The following PAICS variants were observed in gnomAD, a reference collection of about 807,000 sequenced individuals.
PAICS encodes bifunctional phosphoribosylaminoimidazole carboxylase/phosphoribosylaminoimidazole succinocarboxamide synthetase.
PAICS carries 33 observed loss-of-function variants against 53.7 expected under a neutral mutation model. The observed-to-expected ratio is 0.61, with a 90% CI of 0.47 to 0.82. The LOEUF (loss-of-function observed/expected upper bound fraction) is 0.82. Among genes scored for constraint, PAICS ranks in the 40% least tolerant of loss-of-function variants. The pLI, the probability that PAICS is intolerant of heterozygous loss-of-function variation, is 0.00. For synonymous variants in PAICS, 141 were observed against 167.2 expected (o/e 0.84, Z 1.21); for missense variants, 394 against 494.1 (o/e 0.80, Z 1.92).
At chr4:56,445,646 T>C (rs1718579349) in intron 2 of PAICS, among the ~76,000 whole-genome samples, 1 of 152,078 alleles carries the variant, frequency 6.6e-6, no homozygotes, top group Admixed American at 6.6e-5. Context: ...AGACAACATA[T>C]ATAAGACACT....
At chr4:56,436,352 T>C in intron 1 of PAICS, 24 bp downstream of exon 1, 1 of 1,533,710 alleles carries the variant, frequency 6.5e-7, no homozygotes, top group Non-Finnish European at 9.0e-7. Flanking sequence ...ATCCGGGCCC[T>C]TCACGGTCTC....
rs1425449378 is a variant in PAICS, at chr4:56,436,539, A to G, written c.16+211A>G. 2.5e-5 allele frequency: 18 copies of G among 709,904 alleles called. No individual in the cohort carries two copies. The Admixed American group carries it at 3.4e-4, about 13-fold the overall frequency. The allele number at this position is 709,904 out of a possible 1,614,324, so 44.0% of individuals were successfully genotyped here. ...AGAAGGAGCAAAGTAGAGGAGAACG[A>G]GAAATGGCCAAGGGGTGGAAAGGTG... On this transcript the variant is annotated intron_variant, in intron 1 of 8. Transcript: ENST00000512576.
At chr4:56,419,411 T>C in the PAICS span, among the ~76,000 whole-genome samples, 12 of 152,308 alleles carry the variant, frequency 7.9e-5, no homozygotes, top group African/African-American at 2.2e-4. Flanking sequence ...AACACAACTT[T>C]ATTAAAGCCA....
chr4:56,436,280 G>T lies in PAICS; in HGVS notation c.-33G>T. The T allele has an allele frequency of 1.3e-6, 2 of 1,594,204 alleles. No homozygotes were observed. The highest frequency in any genetic ancestry group is 8.5e-7 in the Non-Finnish European group (1 of 1,171,066). ...TTTCTAGAGTTCTGCCTCGCTTCCC[G>T]GCGCGGTCGCAGCCCTCAGCCCACT... On this transcript the variant is annotated 5_prime_UTR_variant, in exon 1 of 9. Transcript: ENST00000512576.
chr4:56,454,616 T>A (rs1400135773), intron 8 of PAICS, among the ~76,000 whole-genome samples: 1 of 152,204 alleles, frequency 6.6e-6, no homozygotes, highest in East Asian at 1.9e-4. Context: ...TATATAACAA[T>A]TCATCCTCCC....
rs1167041596 is a variant in PAICS at position 56,441,666 on chromosome 4, T to C, written c.20T>C (p.Leu7Pro). Residue 7 changes from leucine (L) to proline (P), a missense_variant, in exon 2 of 9, where the codon CTG (leucine) becomes CCG (proline). This residue lies in a region of PAICS where 168 missense variants were observed against 199.3 expected (regional missense o/e 0.84). Transcript: ENST00000512576. ...TATTTCCATTTTATTTCCACAGTACTGAACATTGGTAAAAAATTATATGAG... is the reference window on the plus strand; with the variant it reads ...TATTTCCATTTTATTTCCACAGTACCGAACATTGGTAAAAAATTATATGAG... MATAEV[L>P]NIGKKLYEGK... 6.4e-7 allele frequency: 1 copy of C among 1,556,394 alleles called. No homozygotes were observed. Among genetic ancestry groups the C allele is most frequent in the Non-Finnish European group, 8.7e-7 (1 of 1,148,226 alleles).
intron 1 of PAICS, among the ~76,000 whole-genome samples, chr4:56,436,869 C>G (rs1040755135): frequency 7.9e-6 from 1 of 127,174 alleles, no homozygotes; most frequent in Admixed American, 8.5e-5. Context: ...TGGTGGCGCG[C>G]GCCTGTAATC....
At chr4:56,416,433 A>T in the PAICS span, 1 of 679,124 alleles carries the variant, frequency 1.5e-6, no homozygotes, top group Non-Finnish European at 1.8e-6. Context: ...AGACCAATGG[A>T]ACTAGGTATA....
chr4:56,449,875 C>T (rs1266386611), intron 5 of PAICS, among the ~76,000 whole-genome samples: 3 of 149,984 alleles, frequency 2.0e-5, no homozygotes, highest in African/African-American at 4.9e-5. Flanking sequence ...TCTCGGAAGG[C>T]TGAGGCAGAG....
intron 7 of PAICS, among the ~76,000 whole-genome samples, chr4:56,452,466 C>T (rs1252093317): frequency 4.6e-5 from 7 of 152,302 alleles, no homozygotes; most frequent in South Asian, 2.1e-4. Flanking sequence ...TGAGCCACCA[C>T]GCCTGGCCGC....
the PAICS span, chr4:56,421,651 T>C: frequency 6.6e-6 from 1 of 152,220 alleles, no homozygotes; most frequent in Non-Finnish European, 1.5e-5. Flanking sequence ...CACAGACAGT[T>C]AAGACTGGAA....
intron 8 of PAICS, among the ~76,000 whole-genome samples, chr4:56,457,160 C>T (rs1424338417): frequency 6.6e-6 from 1 of 152,186 alleles, no homozygotes; most frequent in Non-Finnish European, 1.5e-5. Flanking sequence ...GGCTTGGTGG[C>T]TCATGCCTAT....
upstream of PAICS, chr4:56,435,590 C>T: frequency 1.3e-6 from 2 of 1,563,714 alleles, no homozygotes; most frequent in Non-Finnish European, 1.7e-6. Flanking sequence ...ACAGGCTCTT[C>T]CTTCCCGAGG....
Position 56,461,203 on chromosome 4 carries a change from T to A in PAICS, c.*1665T>A, listed in dbSNP as rs1380448665. 6.6e-6 allele frequency: 1 copy of A among 152,252 alleles called. No homozygotes were observed. Among genetic ancestry groups the A allele is most frequent in the Non-Finnish European group, 1.5e-5 (1 of 68,042 alleles). 9.4% of individuals were successfully genotyped at this position (152,252 alleles called of 1,614,324 possible). On this transcript the variant is annotated 3_prime_UTR_variant, in exon 9 of 9. Transcript: ENST00000512576. The stretch of plus-strand genomic sequence containing the variant: ...GAATTATTAGGTCCAGAATAGAAGA[T>A]GTCATTGTACACTTTATTTCCCTCA...
intron 1 of PAICS, among the ~76,000 whole-genome samples, chr4:56,441,266 AC>A (rs1718323783): frequency 6.6e-6 from 1 of 152,234 alleles, no homozygotes; most frequent in Non-Finnish European, 1.5e-5. Flanking sequence ...TAGTATAGTT[AC>A]ATTACTTTAA....
At chr4:56,433,164 T>C (rs1717692622), upstream of PAICS, among the ~76,000 whole-genome samples, 1 of 151,960 alleles carries the variant, frequency 6.6e-6, no homozygotes, top group African/African-American at 2.4e-5. Context: ...CTTTAGCTCA[T>C]GTAAAATTTT....
At chr4:56,447,335 G>A (rs1177988487) in intron 3 of PAICS, among the ~76,000 whole-genome samples, 1 of 152,030 alleles carries the variant, frequency 6.6e-6, no homozygotes, top group Non-Finnish European at 1.5e-5. Flanking sequence ...AGCAATATCA[G>A]TCTTGCTTTT....
chr4:56,434,877 T>C (rs1717810393), upstream of PAICS, among the ~76,000 whole-genome samples: 2 of 152,230 alleles, frequency 1.3e-5, no homozygotes, highest in South Asian at 4.1e-4. Flanking sequence ...AGCTCTGCCC[T>C]TGCAAACAAA....
chr4:56,432,991 C>A (rs1429452970), upstream of PAICS, among the ~76,000 whole-genome samples: 1 of 147,286 alleles, frequency 6.8e-6, no homozygotes, highest in African/African-American at 2.6e-5. Context: ...CATACACACA[C>A]GTATTTTATA....
Sources: gnomAD v4.1 joint callset for allele counts (sites outside exome capture counted in the v4.1 genomes callset) on GRCh38, gnomAD v4.1.1 for gene constraint, gnomAD v4.1.1 regional missense constraint, MANE v1.5 for transcripts, NCBI Gene and HGNC (gene_info 2026-07-23, HGNC 2026-07-21) for gene names.